Variants in MMS22L observed in about 807,000 individuals in gnomAD.
MMS22L encodes protein MMS22-like.
A neutral mutation model predicts 159.1 loss-of-function variants in MMS22L; 74 were observed. The observed-to-expected ratio is 0.47, with a 90% confidence interval of 0.39 to 0.56. MMS22L has a LOEUF of 0.56. Ranked by LOEUF, MMS22L falls within the 20% of genes least tolerant of loss-of-function variation. MMS22L has a pLI of 0.00. For missense variants in MMS22L, 1,351 were observed against 1,422.1 expected (o/e 0.95, Z 0.80); for synonymous variants, 517 against 506.9 (o/e 1.02, Z -0.27).
intron 21 of MMS22L, 31 bp from the exon 22 acceptor site, chr6:97,162,196 G>C (rs780257021): frequency 6.4e-7 from 1 of 1,567,318 alleles, no homozygotes; most frequent in East Asian, 2.3e-5. Flanking sequence ...TTTATTCTCT[G>C]CTTAAAGCTT....
intron 10 of MMS22L, 35 bp downstream of exon 10, chr6:97,254,522 C>G (rs1813577755): frequency 3.2e-6 from 5 of 1,549,730 alleles, no homozygotes; most frequent in East Asian, 2.3e-5. Context: ...TATTAATTGA[C>G]AATATAAGAA....
chr6:97,185,041 T>G lies in MMS22L; in HGVS notation c.2233+1456A>C, dbSNP rs148707864. On this transcript the variant is annotated intron_variant, in intron 15 of 24. Transcript: ENST00000683635. ...CCAGACATGTTCTTGCCTTCAGACT[T>G]CTGCAAAGCATGGTCTCTCATCTCC... Among the ~76,000 whole-genome samples, 1,169 of 152,242 alleles carry G rather than the reference T, an allele frequency of 7.7e-3. 13 individuals are homozygous for G. The highest frequency in any genetic ancestry group is 0.011 in the Non-Finnish European group (769 of 67,996).
At chr6:97,156,483 T>C (rs1801860523) in intron 22 of MMS22L, among the ~76,000 whole-genome samples, 1 of 152,184 alleles carries the variant, frequency 6.6e-6, no homozygotes, top group African/African-American at 2.4e-5. Context: ...CCATCTTGAG[T>C]TAATTTTTGT....
At chr6:97,202,781 A>G (rs1316114132) in intron 14 of MMS22L, among the ~76,000 whole-genome samples, 1 of 152,198 alleles carries the variant, frequency 6.6e-6, no homozygotes, top group African/African-American at 2.4e-5. Context: ...AGAGTACCTA[A>G]TAGTAAAATA....
Position 97,176,825 on chromosome 6 carries a change from T to C in MMS22L, c.2679+1618A>G, listed in dbSNP as rs568220480. Reference sequence around the variant, plus strand: ...CTTCAGACTTTTCCTCATGCATCTTTTCCTTTTGCTGATTATGCTTCGTAT... The same window carrying C: ...CTTCAGACTTTTCCTCATGCATCTTCTCCTTTTGCTGATTATGCTTCGTAT... On this transcript the variant is annotated intron_variant, in intron 18 of 24. Coordinates refer to ENST00000683635, the MANE Select transcript of MMS22L (RefSeq NM_001350599.2). Among the ~76,000 whole-genome samples the C allele has an allele frequency of 2.0e-5, 3 of 152,296 alleles. No homozygotes were observed. The East Asian group carries it at 5.8e-4, about 29-fold the overall frequency.
At chr6:97,225,389 T>A (rs1380612813) in intron 14 of MMS22L, among the ~76,000 whole-genome samples, 3 of 152,040 alleles carry the variant, frequency 2.0e-5, no homozygotes, top group Admixed American at 6.6e-5. Context: ...TTTTTTCTTT[T>A]TGAGACGGAG....
chr6:97,179,375 C>A, intron 17 of MMS22L, 33 bp downstream of exon 17: 2 of 1,593,370 alleles, frequency 1.3e-6, no homozygotes, highest in South Asian at 2.3e-5. Context: ...CATAGATACC[C>A]CCATCCTCCC....
chr6:97,220,201 T>C (rs1018054018), intron 14 of MMS22L, among the ~76,000 whole-genome samples: 2 of 152,130 alleles, frequency 1.3e-5, no homozygotes, highest in African/African-American at 2.4e-5. Flanking sequence ...TAAATAAAGG[T>C]AGAAAGACTT....
rs757343650 is a variant in MMS22L, at chr6:97,246,687, T to C, written c.1123A>G (p.Lys375Glu). 6.3e-7 allele frequency: 1 copy of C among 1,588,278 alleles called. No homozygotes were observed. Among genetic ancestry groups the C allele is most frequent in the African/African-American group, 1.5e-5 (1 of 66,784 alleles). The change falls in exon 11 of 25, where the codon AAA (lysine) becomes GAA (glutamate). Residue 375 changes from lysine (K) to glutamate (E), a missense_variant. Lys to Glu is a moderately conservative substitution (Grantham distance 56, BLOSUM62 1). Coordinates refer to ENST00000683635, the MANE Select transcript of MMS22L (RefSeq NM_001350599.2). ...DRHGVPDEMR[K>E]VESNWNFVEE... ...ACAAAGTTCCAATTTGATTCCACTT[T>C]TCTCTAGAAAGGGAGAAAATAGTGC...
chr6:97,186,477 A>T lies in MMS22L; in HGVS notation c.2233+20T>A, dbSNP rs1805239609. Reference sequence around the variant, plus strand: ...GAGTCTGCAAAAAGAGAAATTAGCAAATTAATAATTAATGCTGACCTGCAG... The same window carrying T: ...GAGTCTGCAAAAAGAGAAATTAGCATATTAATAATTAATGCTGACCTGCAG... On this transcript the variant is annotated intron_variant, in intron 15 of 24. Coordinates refer to ENST00000683635, the MANE Select transcript of MMS22L (RefSeq NM_001350599.2). 6.3e-7 allele frequency: 1 copy of T among 1,596,196 alleles called. No individual in the cohort carries two copies. The highest frequency in any genetic ancestry group is 1.4e-5 in the African/African-American group (1 of 73,812).
intron 3 of MMS22L, among the ~76,000 whole-genome samples, chr6:97,279,954 T>C (rs888446047): frequency 2.6e-5 from 4 of 152,214 alleles, no homozygotes; most frequent in African/African-American, 9.6e-5. Context: ...TCTTAATTCC[T>C]GATAGCAATT....
In MMS22L at chr6:97,272,774, A is replaced by T. The variant is rs766895542; in HGVS notation, c.536T>A (p.Leu179Ter). The T allele has an allele frequency of 6.2e-7, 1 of 1,613,942 alleles. No homozygotes were observed. The highest frequency in any genetic ancestry group is 8.5e-7 in the Non-Finnish European group (1 of 1,179,926). ...VLIDELHGLL[L>*]YIGHLSELPS... ...AAGTTCAGATAGGTGTCCAATATAC[A>T]AGAGTAATCCATGAAGCTCATCAAT... is the stretch of plus-strand genomic sequence containing the variant. The change falls in exon 6 of 25, where the codon TTG (leucine) becomes TAG (stop). Residue 179 changes from leucine to a stop codon, truncating the protein, a stop_gained. Transcript: ENST00000683635. LOFTEE classifies it high-confidence loss of function.
chr6:97,192,704 C>T (rs1388982628), intron 14 of MMS22L, among the ~76,000 whole-genome samples: 2 of 152,156 alleles, frequency 1.3e-5, no homozygotes, highest in Admixed American at 1.3e-4. Flanking sequence ...TCCTCATCTG[C>T]TGCAAGAATT....
intron 14 of MMS22L, among the ~76,000 whole-genome samples, chr6:97,228,682 C>A (rs1810512062): frequency 6.6e-6 from 1 of 152,168 alleles, no homozygotes; most frequent in African/African-American, 2.4e-5. Context: ...CAAAACACTT[C>A]TAGTCCCAAG....
chr6:97,203,829 G>T (rs73490411), intron 14 of MMS22L, among the ~76,000 whole-genome samples: 1 of 152,134 alleles, frequency 6.6e-6, no homozygotes, highest in Non-Finnish European at 1.5e-5. Context: ...CAAAGCAGCT[G>T]TTTCTGACCA....
At chr6:97,260,828 A>G (rs2128071107) in intron 9 of MMS22L, 1 of 152,248 alleles carries the variant, frequency 6.6e-6, no homozygotes, top group East Asian at 1.9e-4. Context: ...CCATTTCTTT[A>G]CTGAATTTCC....
Position 97,282,336 on chromosome 6 carries a change from G to A in MMS22L, c.142C>T (p.Leu48Phe), listed in dbSNP as rs557470161. 1 of 1,614,120 alleles carries A rather than the reference G, an allele frequency of 6.2e-7. No individual in the cohort carries two copies. Among genetic ancestry groups the A allele is most frequent in the African/African-American group, 1.3e-5 (1 of 75,026 alleles). Residue 48 changes from leucine (L) to phenylalanine (F), a missense_variant, in exon 2 of 25, where the codon CTC becomes TTC. Coordinates refer to ENST00000683635, the MANE Select transcript of MMS22L (RefSeq NM_001350599.2). ...TACCGCTTAAGGGCTCCGCTGCAGA[G>A]GTAGGATTCTCCAGAAAAATGTTTT... ...GGKHFSGESYLCSGALKRLIL... is the reference protein window; with the variant it reads ...GGKHFSGESYFCSGALKRLIL...
chr6:97,177,028 G>A (rs1315055546), intron 18 of MMS22L, among the ~76,000 whole-genome samples: 1 of 151,812 alleles, frequency 6.6e-6, no homozygotes, highest in Non-Finnish European at 1.5e-5. Context: ...TCTCCTTAAG[G>A]TATCATCACT....
Position 97,282,307 on chromosome 6 carries a change from T to C in MMS22L, c.164+7A>G. The C allele has an allele frequency of 5.0e-6, 8 of 1,613,070 alleles. No individual in the cohort carries two copies. Among genetic ancestry groups the C allele is most frequent in the Non-Finnish European group, 6.8e-6 (8 of 1,179,560 alleles). ...GATGAGGGAAAATGTCTCTGAGTTT[T>C]ACCTACCGCTTAAGGGCTCCGCTGC... On this transcript the variant is annotated splice_region_variant and intron_variant, in intron 2 of 24. Transcript: ENST00000683635.
Sources: gnomAD v4.1 joint callset for allele counts (sites outside exome capture counted in the v4.1 genomes callset) on GRCh38, gnomAD v4.1.1 for gene constraint, MANE v1.5 for transcripts, NCBI Gene and HGNC (gene_info 2026-07-23, HGNC 2026-07-21) for gene names.